MYO9A: variants seen among roughly 807,000 people sequenced by gnomAD.
The protein encoded by MYO9A is unconventional myosin-IXa.
A neutral mutation model predicts 293.3 loss-of-function variants in MYO9A; 103 were observed. That is an observed-to-expected ratio of 0.35 (90% CI 0.30 to 0.41). The LOEUF (loss-of-function observed/expected upper bound fraction) is 0.41. Ranked by LOEUF, MYO9A falls within the 10% of genes least tolerant of loss-of-function variation. The pLI is 1.00. For synonymous variants in MYO9A, 1,001 were observed against 1,035.7 expected, an observed-to-expected ratio of 0.97 and a Z score of 0.64; for missense variants, 2,685 against 3,033.0, an observed-to-expected ratio of 0.89 and a Z score of 2.69.
intron 26 of MYO9A, chr15:71,893,126 C>G: frequency 7.8e-7 from 1 of 1,290,022 alleles, no homozygotes; most frequent in Non-Finnish European, 1.0e-6. Context: ...GTCAAGAAAT[C>G]GGAGCGCGTC....
intron 1 of MYO9A, among the ~76,000 whole-genome samples, chr15:72,070,662 C>A (rs1013602239): frequency 2.0e-5 from 3 of 152,016 alleles, no homozygotes; most frequent in African/African-American, 7.2e-5. Context: ...TGCACTCCAG[C>A]TGGGCAACAA....
rs1475435741 is a variant in MYO9A, at chr15:72,095,186, A to G, written c.-72+22494T>C. ...AGGCCAAAAGCTAGACCTCTTGTGC[A>G]AAACAGTTTGCCAAGTTGTGAATGC... is the stretch of plus-strand genomic sequence containing the variant. On this transcript the variant is annotated intron_variant, in intron 1 of 41. Transcript: ENST00000356056. Among the ~76,000 whole-genome samples, 3 of 93,010 alleles carry G rather than the reference A, an allele frequency of 3.2e-5. 1 individual carries two copies. Among genetic ancestry groups the G allele is most frequent in the African/African-American group, 7.7e-5 (3 of 39,204 alleles). The allele number at this position is 93,010 out of a possible 152,430, so 61.0% of individuals were successfully genotyped here.
In MYO9A at chr15:71,854,491, C is replaced by T; in HGVS notation, c.6232G>A (p.Val2078Ile). The T allele has an allele frequency of 6.2e-7, 1 of 1,613,734 alleles. No homozygotes were observed. The highest frequency in any genetic ancestry group is 8.5e-7 in the Non-Finnish European group (1 of 1,179,784). ...ATGTAGTTTATGAGCTTTTCCACTA[C>T]TAAAGGAACAGTTCGGTCTTCACTG... is the stretch of plus-strand genomic sequence containing the variant. Reference protein sequence around the residue: ...LTSEDRTVPLVVEKLINYIEM... With the variant: ...LTSEDRTVPLIVEKLINYIEM... Residue 2078 changes from valine (V) to isoleucine (I), a missense_variant, in exon 35 of 42, where the codon GTA becomes ATA. Around this residue, in one of 10 missense-constraint regions of MYO9A, gnomAD observed 238 missense variants for 269.1 expected, o/e 0.88. Transcript: ENST00000356056.
At position 72,068,136 on chromosome 15, in the gene MYO9A, T is replaced by C. The variant is rs530675325; in HGVS notation, c.-71-21502A>G. 1.3e-3 allele frequency among the ~76,000 whole-genome samples: 195 copies of C among 152,196 alleles called. 1 individual carries two copies. Among genetic ancestry groups the C allele is most frequent in the Non-Finnish European group, 2.4e-3 (163 of 68,034 alleles). On this transcript the variant is annotated intron_variant, in intron 1 of 41. Transcript: ENST00000356056. ...TCAAATCGCCCTTCGACAGTCCTTA[T>C]AGAAAATAAGAATATTTCCAACAGC...
intron 1 of MYO9A, among the ~76,000 whole-genome samples, chr15:72,054,189 A>G (rs2078651990): frequency 6.6e-6 from 1 of 152,242 alleles, no homozygotes; most frequent in South Asian, 2.1e-4. Flanking sequence ...TGAATTAAAC[A>G]TCTCTTAAGG....
chr15:71,886,042 T>A (rs1251381418), intron 27 of MYO9A, among the ~76,000 whole-genome samples: 3 of 152,124 alleles, frequency 2.0e-5, no homozygotes, highest in Non-Finnish European at 4.4e-5. Flanking sequence ...GGCCTGTTGA[T>A]AGTTACATTT....
At chr15:71,990,754 CAAAAA>C (rs11422716) in intron 11 of MYO9A, among the ~76,000 whole-genome samples, 1 of 129,370 alleles carries the variant, frequency 7.7e-6, no homozygotes, top group Non-Finnish European at 1.6e-5. Context: ...GAGACTCAGT[CAAAAA>C]AAAAAAAAAA....
chr15:71,835,835 C>G (rs2054918835), intron 39 of MYO9A, among the ~76,000 whole-genome samples: 1 of 152,050 alleles, frequency 6.6e-6, no homozygotes, highest in Non-Finnish European at 1.5e-5. Context: ...ATGACTTATT[C>G]TACCAGTTAT....
In MYO9A at chr15:71,827,985, G is replaced by A; in HGVS notation, c.7082C>T (p.Ala2361Val). The change falls in exon 41 of 42, where the codon GCC becomes GTC. Residue 2361 changes from alanine (A) to valine (V), a missense_variant. By Grantham distance (64) the Ala-to-Val change is moderately conservative (BLOSUM62 0). Coordinates refer to ENST00000356056, the MANE Select transcript of MYO9A (RefSeq NM_006901.4). ...TFEMLVLEPR[A>V]SDDETLESEA... ...AGACTCAAGGGTTTCATCATCAGAG[G>A]CACGGGGTTCCAGTACAAGCATCTC... 6.2e-7 allele frequency: 1 copy of A among 1,613,808 alleles called. No homozygotes were observed. The highest frequency in any genetic ancestry group is 8.5e-7 in the Non-Finnish European group (1 of 1,179,816).
intron 1 of MYO9A, among the ~76,000 whole-genome samples, chr15:72,102,906 A>G (rs2080406698): frequency 6.6e-6 from 1 of 152,050 alleles, no homozygotes; most frequent in Admixed American, 6.5e-5. Context: ...CATTATTTGC[A>G]TATGACATAA....
intron 1 of MYO9A, among the ~76,000 whole-genome samples, chr15:72,106,595 AG>A (rs2080576779): frequency 6.6e-6 from 1 of 152,126 alleles, no homozygotes; most frequent in Admixed American, 6.5e-5. Context: ...AATAAAATCA[AG>A]GGTTTTTTTT....
chr15:72,008,436 G>GGTGTGTGGGTGT (rs2077075957), intron 7 of MYO9A, among the ~76,000 whole-genome samples: 2 of 138,738 alleles, frequency 1.4e-5, no homozygotes, highest in African/African-American at 5.4e-5. Context: ...GAGGTAAATG[G>GGTGTGTGGGTGT]GTGTGTGTGT....
At chr15:71,847,595 G>A (rs559268965) in intron 39 of MYO9A, 11 of 330,112 alleles carry the variant, frequency 3.3e-5, no homozygotes, top group South Asian at 1.6e-4. Flanking sequence ...GGAAAAAAGC[G>A]CAGCTTATCT....
chr15:71,960,180 C>T (rs761380444), intron 13 of MYO9A, 84 bp from the exon 14 acceptor site: 9 of 1,189,464 alleles, frequency 7.6e-6, no homozygotes, highest in Non-Finnish European at 1.1e-5. Context: ...ACTTTGGATG[C>T]TTGTCCCTCC....
At chr15:72,000,858 C>A (rs1235155402) in intron 8 of MYO9A, among the ~76,000 whole-genome samples, 1 of 152,164 alleles carries the variant, frequency 6.6e-6, no homozygotes, top group African/African-American at 2.4e-5. Flanking sequence ...TATAAATATA[C>A]CACAGTGTGT....
chr15:72,097,392 T>A (rs954170586), intron 1 of MYO9A, among the ~76,000 whole-genome samples: 5 of 152,248 alleles, frequency 3.3e-5, no homozygotes, highest in African/African-American at 7.2e-5. Context: ...AGCATTTTTT[T>A]AATATTTTCT....
intron 39 of MYO9A, among the ~76,000 whole-genome samples, chr15:71,838,206 G>A (rs565818419): frequency 6.6e-6 from 1 of 151,974 alleles, no homozygotes; most frequent in African/African-American, 2.4e-5. Context: ...TTACTTATAG[G>A]AGCTTCTCTT....
intron 18 of MYO9A, among the ~76,000 whole-genome samples, chr15:71,928,270 G>C (rs2058381750): frequency 6.7e-6 from 1 of 148,384 alleles, no homozygotes; most frequent in African/African-American, 2.5e-5. Context: ...GTAGAGACGG[G>C]GTTTCACCTT....
chr15:71,899,977 C>T lies in MYO9A; in HGVS notation c.3180G>A (p.Lys1060=). 1 of 1,611,866 alleles carries T rather than the reference C, an allele frequency of 6.2e-7. No individual in the cohort carries two copies. The highest frequency in any genetic ancestry group is 2.2e-5 in the East Asian group (1 of 44,796). Residue 1060 remains lysine, a synonymous_variant, in exon 24 of 42, where the codon AAG becomes AAA. Transcript: ENST00000356056. ...QRFWRNYLNQ[K]QVRDAAVQKD... ...TCTGCACAGCTGCATCTCTGACTTG[C>T]TTCTGATTTAGGTAATTCCTCCAGA...
Sources: allele counts gnomAD v4.1 joint callset (sites outside exome capture counted in the v4.1 genomes callset), GRCh38; gene constraint gnomAD v4.1.1; regional missense constraint gnomAD v4.1.1; transcripts MANE v1.5; gene names NCBI Gene and HGNC (gene_info 2026-07-23, HGNC 2026-07-21).